The following ME1 variants were observed in gnomAD, a reference collection of about 807,000 sequenced individuals.
The protein encoded by ME1 is malic enzyme 1, also known as NADP-dependent malic enzyme.
ME1 carries 74 observed loss-of-function variants against 66.4 expected under a neutral mutation model. The ratio of observed to expected loss-of-function variants is 1.11; its 90% CI spans 0.92 to 1.35. The LOEUF is 1.35. ME1 is among the 40% of genes most tolerant of loss of function. The pLI is 0.00. For synonymous variants in ME1, 251 were observed against 235.6 expected, an observed-to-expected ratio of 1.07 and a Z score of -0.60; for missense variants, 750 against 694.1, an observed-to-expected ratio of 1.08 and a Z score of -0.90.
At chr6:83,238,799 A>ACATAT (rs1554263094) in intron 8 of ME1, among the ~76,000 whole-genome samples, 1 of 139,290 alleles carries the variant, frequency 7.2e-6, no homozygotes, top group African/African-American at 2.6e-5. Context: ...TTTCTTGAAA[A>ACATAT]ATATATATAT....
chr6:83,250,884 A>T (rs1422939247), intron 7 of ME1, among the ~76,000 whole-genome samples: 1 of 152,240 alleles, frequency 6.6e-6, no homozygotes, highest in African/African-American at 2.4e-5. Flanking sequence ...CTTGTGTGCC[A>T]TTCAGTGTCT....
At chr6:83,400,663 G>A (rs77920749) in intron 2 of ME1, among the ~76,000 whole-genome samples, 1 of 152,026 alleles carries the variant, frequency 6.6e-6, no homozygotes, top group African/African-American at 2.4e-5. Context: ...AGCCATCCCA[G>A]CCTACATTCT....
At chr6:83,259,290 GC>G (rs1255521896) in intron 6 of ME1, among the ~76,000 whole-genome samples, 2 of 152,066 alleles carry the variant, frequency 1.3e-5, no homozygotes, top group Non-Finnish European at 2.9e-5. Flanking sequence ...CATGGATCTT[GC>G]CCTGGAAATG....
intron 6 of ME1, among the ~76,000 whole-genome samples, chr6:83,263,277 C>T (rs1011394179): frequency 3.9e-5 from 6 of 152,134 alleles, no homozygotes; most frequent in Non-Finnish European, 5.9e-5. Context: ...AGACACAACA[C>T]TATTGAAATT....
chr6:83,398,954 G>A (rs917070431), intron 2 of ME1, among the ~76,000 whole-genome samples: 22 of 151,968 alleles, frequency 1.4e-4, no homozygotes, highest in African/African-American at 4.6e-4. Flanking sequence ...CTAGGATTAC[G>A]AGGGCATGCC....
At chr6:83,231,016 C>T (rs986256439) in intron 9 of ME1, among the ~76,000 whole-genome samples, 4 of 152,154 alleles carry the variant, frequency 2.6e-5, no homozygotes, top group African/African-American at 4.8e-5. Context: ...CTACCACATG[C>T]GTTTTTAAGA....
At chr6:83,257,171 C>A (rs2128528812) in intron 6 of ME1, among the ~76,000 whole-genome samples, 1 of 151,448 alleles carries the variant, frequency 6.6e-6, no homozygotes, top group East Asian at 1.9e-4. Context: ...AGCACATGTA[C>A]CCCAGAACTT....
chr6:83,381,598 G>C (rs912537064), intron 3 of ME1, among the ~76,000 whole-genome samples: 8 of 152,084 alleles, frequency 5.3e-5, no homozygotes, highest in African/African-American at 1.9e-4. Context: ...ATAGCCATCA[G>C]TACAGGACTA....
At chr6:83,362,257 C>G (rs962091197) in intron 3 of ME1, among the ~76,000 whole-genome samples, 1 of 152,140 alleles carries the variant, frequency 6.6e-6, no homozygotes, top group Non-Finnish European at 1.5e-5. Flanking sequence ...TTGGAAGAAG[C>G]ATGATTGGAA....
At chr6:83,327,738 C>T (rs1038088414) in intron 5 of ME1, among the ~76,000 whole-genome samples, 11 of 152,136 alleles carry the variant, frequency 7.2e-5, no homozygotes, top group East Asian at 1.9e-4. Context: ...CTGTTAAGTA[C>T]TTGATGTCTG....
At chr6:83,263,680 A>G (rs1053808268) in intron 6 of ME1, among the ~76,000 whole-genome samples, 2 of 152,132 alleles carry the variant, frequency 1.3e-5, no homozygotes, top group Admixed American at 1.3e-4. Context: ...AAAGGTAAAG[A>G]AAATGCAGAA....
chr6:83,261,815 A>C (rs1766896995), intron 6 of ME1, among the ~76,000 whole-genome samples: 1 of 151,962 alleles, frequency 6.6e-6, no homozygotes, highest in Non-Finnish European at 1.5e-5. Context: ...GGAGTTCGAG[A>C]CCAGCCTGGC....
chr6:83,277,291 C>T (rs1252820066), intron 6 of ME1, among the ~76,000 whole-genome samples: 1 of 152,212 alleles, frequency 6.6e-6, no homozygotes, highest in East Asian at 1.9e-4. Flanking sequence ...AACTACACAA[C>T]TTCTTTTATA....
rs59788379 is a variant in ME1, at chr6:83,406,971, T to TACACACACACACACACACACACAC, written c.212+773_212+796dup. Among the ~76,000 whole-genome samples, 264 of 143,948 alleles carry TACACACACACACACACACACACAC rather than the reference T, an allele frequency of 1.8e-3. 2 individuals are homozygous for TACACACACACACACACACACACAC. The highest frequency in any genetic ancestry group is 6.2e-3 in the African/African-American group (239 of 38,526). 94.4% of individuals were successfully genotyped at this position (143,948 alleles called of 152,430 possible). On this transcript the variant is annotated intron_variant, in intron 2 of 13. Transcript: ENST00000369705. ...CCATTTATATTTATATTTTCATTCA[T>TACACACACACACACACACACACAC]ACACACACACACACACACACACACA...
intron 6 of ME1, among the ~76,000 whole-genome samples, chr6:83,270,150 AATG>A (rs1247735161): frequency 1.3e-5 from 2 of 152,158 alleles, no homozygotes; most frequent in Admixed American, 1.3e-4. Context: ...AAGTAAAATG[AATG>A]ATATTACCAT....
chr6:83,422,906 A>T (rs919142049), intron 1 of ME1, among the ~76,000 whole-genome samples: 4 of 152,048 alleles, frequency 2.6e-5, no homozygotes, highest in African/African-American at 9.7e-5. Context: ...GTATCATCAG[A>T]GTCCCAGAAA....
At chr6:83,286,258 T>C (rs1767394630) in intron 6 of ME1, among the ~76,000 whole-genome samples, 1 of 152,176 alleles carries the variant, frequency 6.6e-6, no homozygotes, top group Non-Finnish European at 1.5e-5. Flanking sequence ...ATCTCATAGT[T>C]GTTTTGAGAA....
intron 6 of ME1, among the ~76,000 whole-genome samples, chr6:83,272,803 G>C (rs7770565): frequency 0.071 from 10,754 of 152,098 alleles, 463 homozygotes; most frequent in Admixed American, 0.097. Flanking sequence ...CATTTATATT[G>C]ATATTTATAT....
intron 6 of ME1, among the ~76,000 whole-genome samples, chr6:83,304,966 A>T (rs1321257232): frequency 1.3e-5 from 2 of 152,176 alleles, no homozygotes; most frequent in African/African-American, 4.8e-5. Flanking sequence ...TAATTCCTTG[A>T]GGGATAATCT....
Sources: allele counts gnomAD v4.1 joint callset (sites outside exome capture counted in the v4.1 genomes callset), GRCh38; gene constraint gnomAD v4.1.1; transcripts MANE v1.5; gene names NCBI Gene and HGNC (gene_info 2026-07-23, HGNC 2026-07-21).